CCDC40: variants seen among roughly 807,000 people sequenced by gnomAD.
The protein encoded by CCDC40 is coiled-coil domain-containing protein 40.
CCDC40 carries 104 observed loss-of-function variants against 124.5 expected under a neutral mutation model. The observed-to-expected ratio is 0.84, with a 90% CI of 0.71 to 0.98. CCDC40 has a LOEUF of 0.98. CCDC40 is among the 50% of genes least tolerant of loss of function. The pLI is 0.00. For missense variants in CCDC40, 1,463 were observed against 1,503.9 expected (o/e 0.97, Z 0.45); for synonymous variants, 580 against 602.9 (o/e 0.96, Z 0.56).
intron 16 of CCDC40, 114 bp downstream of exon 16, chr17:80,088,216 G>C: frequency 1.3e-6 from 1 of 751,930 alleles, no homozygotes; most frequent in Non-Finnish European, 2.4e-6. Flanking sequence ...CCATATCCCA[G>C]TGCTTTGGTC....
intron 9 of CCDC40, 49 bp from the exon 10 acceptor site, chr17:80,065,436 G>C (rs777449542): frequency 6.2e-7 from 1 of 1,610,934 alleles, no homozygotes; most frequent in South Asian, 1.1e-5. Flanking sequence ...GGCTTTGCTC[G>C]CAAATGAAAT....
At chr17:80,056,723 A>G (rs2037758062) in intron 7 of CCDC40, among the ~76,000 whole-genome samples, 1 of 152,098 alleles carries the variant, frequency 6.6e-6, no homozygotes, top group South Asian at 2.1e-4. Flanking sequence ...AGGAAGGATA[A>G]TGAAAGAAAT....
chr17:80,067,806 C>T, intron 10 of CCDC40: 5 of 1,446,654 alleles, frequency 3.5e-6, no homozygotes, highest in Non-Finnish European at 4.5e-6. Context: ...TTTCAAAGTC[C>T]CCTGACAGCT....
Position 80,081,705 on chromosome 17 carries a change from C to T in CCDC40, c.1722C>T (p.Thr574=). The change falls in exon 11 of 20, where the codon ACC becomes ACT. Residue 574 remains threonine, a synonymous_variant. Transcript: ENST00000397545. ...LLQKLTTQCL[T]KQVALQSQFN... Reference sequence around the variant, plus strand: ...AGAAGCTCACCACCCAGTGCCTGACCAAGCAGGTGGCCCTGCAGAGCCAGT... The same window carrying T: ...AGAAGCTCACCACCCAGTGCCTGACTAAGCAGGTGGCCCTGCAGAGCCAGT... 6.2e-7 allele frequency: 1 copy of T among 1,614,186 alleles called. No homozygotes were observed. Among genetic ancestry groups the T allele is most frequent in the Non-Finnish European group, 8.5e-7 (1 of 1,180,038 alleles).
At chr17:80,076,308 T>G (rs1459010216) in intron 10 of CCDC40, among the ~76,000 whole-genome samples, 1 of 152,006 alleles carries the variant, frequency 6.6e-6, no homozygotes, top group East Asian at 1.9e-4. Flanking sequence ...GTGGGGTGAC[T>G]CACACCTGTA....
intron 4 of CCDC40, 147 bp from the exon 5 acceptor site, chr17:80,048,436 C>G (rs1297648648): frequency 2.8e-6 from 2 of 712,014 alleles, no homozygotes; most frequent in African/African-American, 1.7e-5. Context: ...ATGTTTCTGA[C>G]CCACAGACCG....
At chr17:80,085,225 C>T (rs567476257) in intron 13 of CCDC40, among the ~76,000 whole-genome samples, 16 of 152,230 alleles carry the variant, frequency 1.1e-4, no homozygotes, top group South Asian at 2.1e-4. Flanking sequence ...GGCAGTGACA[C>T]GGCTCTGCCT....
At chr17:80,077,125 A>G (rs372706582) in intron 10 of CCDC40, among the ~76,000 whole-genome samples, 2 of 152,348 alleles carry the variant, frequency 1.3e-5, no homozygotes, top group East Asian at 3.9e-4. Flanking sequence ...TGGGGAACCA[A>G]AAAAGATTGT....
chr17:80,050,292 A>G lies in CCDC40; in HGVS notation c.1159+9A>G, dbSNP rs754557686. The G allele has an allele frequency of 7.3e-5, 113 of 1,550,862 alleles. No homozygotes were observed. The highest frequency in any genetic ancestry group is 8.8e-5 in the Non-Finnish European group (101 of 1,147,806). ...CGAGGAGCGCAAAAAGTGTAAGGCA[A>G]CCCGGCAGCCCCACACGCCATCCGG... On this transcript the variant is annotated intron_variant, in intron 7 of 19. Coordinates refer to ENST00000397545, the MANE Select transcript of CCDC40 (RefSeq NM_017950.4).
At chr17:80,038,008 G>A (rs2037173925) in intron 1 of CCDC40, 115 bp from the exon 2 acceptor site, 1 of 710,326 alleles carries the variant, frequency 1.4e-6, no homozygotes, top group Admixed American at 2.0e-5. Flanking sequence ...CAACAGCCTG[G>A]GGGTGGCAGA....
At chr17:80,090,152 CAA>C in intron 17 of CCDC40, 2 of 1,449,384 alleles carry the variant, frequency 1.4e-6, no homozygotes. Flanking sequence ...TATTGCAGAA[CAA>C]CACAGGACGC....
chr17:80,082,193 T>C, intron 12 of CCDC40, 135 bp downstream of exon 12: 1 of 611,174 alleles, frequency 1.6e-6, no homozygotes, highest in Non-Finnish European at 2.7e-6. Flanking sequence ...CTTTCCATGG[T>C]GTTCAGGTTG....
intron 7 of CCDC40, among the ~76,000 whole-genome samples, chr17:80,052,518 C>A (rs1382520761): frequency 1.3e-5 from 2 of 152,194 alleles, no homozygotes; most frequent in African/African-American, 4.8e-5. Context: ...CTCACAGACA[C>A]ACCCAGGATC....
chr17:80,065,087 C>T (rs1354115936), intron 9 of CCDC40, among the ~76,000 whole-genome samples: 57 of 73,194 alleles, frequency 7.8e-4, no homozygotes, highest in Non-Finnish European at 1.0e-3. Context: ...TCTTTCATCT[C>T]CTCCCCCTCC....
chr17:80,069,419 G>A (rs567520873), intron 10 of CCDC40, among the ~76,000 whole-genome samples: 7 of 152,336 alleles, frequency 4.6e-5, no homozygotes, highest in South Asian at 2.1e-4. Flanking sequence ...AACATGAAAC[G>A]TGTTATTCTG....
chr17:80,067,611 G>C (rs544228027), intron 10 of CCDC40: 3 of 1,536,092 alleles, frequency 2.0e-6, no homozygotes, highest in African/African-American at 1.4e-5. Context: ...CTTCCTGCCC[G>C]GGGCATCGAG....
At chr17:80,037,944 C>T (rs2037172063) in intron 1 of CCDC40, 179 bp from the exon 2 acceptor site, 3 of 579,212 alleles carry the variant, frequency 5.2e-6, no homozygotes, top group Admixed American at 5.4e-5. Flanking sequence ...ATCTCCGCCA[C>T]CTGACAGGCA....
intron 12 of CCDC40, among the ~76,000 whole-genome samples, chr17:80,084,270 G>T (rs2038526668): frequency 6.6e-6 from 1 of 152,194 alleles, no homozygotes; most frequent in African/African-American, 2.4e-5. Flanking sequence ...ATGGCAAAAG[G>T]CGAAACAGGC....
chr17:80,043,986 G>A (rs145555890), intron 3 of CCDC40, among the ~76,000 whole-genome samples: 30 of 152,252 alleles, frequency 2.0e-4, no homozygotes, highest in Admixed American at 1.7e-3. Context: ...ATTGTTCTGC[G>A]AGGGGAGATG....
Sources: gnomAD v4.1 joint callset for allele counts (sites outside exome capture counted in the v4.1 genomes callset) on GRCh38, gnomAD v4.1.1 for gene constraint, MANE v1.5 for transcripts, NCBI Gene and HGNC (gene_info 2026-07-23, HGNC 2026-07-21) for gene names.